Variants in WNK2 observed in about 807,000 individuals in gnomAD.
WNK2 encodes WNK lysine deficient protein kinase 2.
Under a neutral mutation model 192.1 loss-of-function variants are expected in WNK2, and 67 were observed. That is an observed-to-expected ratio of 0.35 (90% confidence interval 0.29 to 0.43). WNK2 has a LOEUF of 0.43. Among genes scored for constraint, WNK2 ranks in the 20% least tolerant of loss-of-function variants. The pLI is 1.00. For synonymous variants in WNK2, 1,439 were observed against 1,393.9 expected, an observed-to-expected ratio of 1.03 and a Z score of -0.72; for missense variants, 2,698 against 3,089.7, an observed-to-expected ratio of 0.87 and a Z score of 3.01.
At chr9:93,283,583 G>C (rs1848038034) in intron 19 of WNK2, among the ~76,000 whole-genome samples, 1 of 152,114 alleles carries the variant, frequency 6.6e-6, no homozygotes, top group Admixed American at 6.6e-5. Flanking sequence ...AATCTGAAAG[G>C]TGCTATAAAC....
At chr9:93,318,046 C>A (rs1288198395) in intron 29 of WNK2, 4 of 1,612,200 alleles carry the variant, frequency 2.5e-6, no homozygotes, top group Non-Finnish European at 3.4e-6. Flanking sequence ...GGTCCACGCG[C>A]CGTCTCCACA....
Position 93,317,586 on chromosome 9 carries a change from A to C in WNK2, c.6583A>C (p.Thr2195Pro), listed in dbSNP as rs1181155328. ...CCCAGCGCCCGGCCCTCTGTCCACCACGGTCATTCCCGGAGCCGCCCCGAC... is the reference window on the plus strand; with the variant it reads ...CCCAGCGCCCGGCCCTCTGTCCACCCCGGTCATTCCCGGAGCCGCCCCGAC... ...LPPAPGPLST[T>P]VIPGAAPTLS... is the part of the protein sequence containing the mutation. Residue 2195 changes from threonine to proline, a missense_variant, in exon 29 of 30, where the codon ACG (threonine) becomes CCG (proline). By Grantham distance (38) the Thr-to-Pro change is conservative. Transcript: ENST00000427277. 26 of 1,613,234 alleles carry C rather than the reference A, an allele frequency of 1.6e-5. No individual in the cohort carries two copies. Among genetic ancestry groups the C allele is most frequent in the Non-Finnish European group, 2.2e-5 (26 of 1,179,870 alleles).
intron 2 of WNK2, among the ~76,000 whole-genome samples, chr9:93,189,099 G>A (rs1476522319): frequency 6.6e-6 from 1 of 152,198 alleles, no homozygotes; most frequent in African/African-American, 2.4e-5. Context: ...ACCCAGGGAG[G>A]CAGCCTGTTT....
chr9:93,300,211 C>T, intron 26 of WNK2, 62 bp downstream of exon 26: 2 of 1,354,200 alleles, frequency 1.5e-6, no homozygotes, highest in Non-Finnish European at 1.1e-6. Context: ...CCCCCACCCC[C>T]TCCCTGTCTT....
In WNK2 at chr9:93,272,750, A is replaced by AAAAAAG. The variant is rs1372813476; in HGVS notation, c.4033+4009_4033+4010insGAAAAA. Reference sequence around the variant, plus strand: ...CGAAACTCCGTCTCAAAAAAAAAAAAAAAAAATTCAAATAACCCGGAAGAG... The same window carrying AAAAAAG: ...CGAAACTCCGTCTCAAAAAAAAAAAAAAAAAGAAAAAATTCAAATAACCCGGAAGAG... On this transcript the variant is annotated intron_variant, in intron 19 of 29. Coordinates refer to ENST00000427277, the MANE Select transcript of WNK2 (RefSeq NM_006648.4). Among the ~76,000 whole-genome samples the AAAAAAG allele has an allele frequency of 6.0e-5, 9 of 151,054 alleles. 1 individual carries two copies. Among genetic ancestry groups the AAAAAAG allele is most frequent in the Non-Finnish European group, 1.2e-4 (8 of 67,876 alleles).
chr9:93,192,785 C>A (rs1031445214), intron 2 of WNK2, among the ~76,000 whole-genome samples: 11 of 152,206 alleles, frequency 7.2e-5, no homozygotes, highest in Non-Finnish European at 1.5e-4. Context: ...CCCTTCTTCC[C>A]ACCCCTGGGC....
At chr9:93,303,395 C>T (rs759810258) in intron 26 of WNK2, among the ~76,000 whole-genome samples, 9 of 152,200 alleles carry the variant, frequency 5.9e-5, no homozygotes, top group East Asian at 1.9e-4. Flanking sequence ...TCTCTCTGCA[C>T]GCTGGTATCT....
At chr9:93,249,818 G>A (rs1842285124) in intron 8 of WNK2, among the ~76,000 whole-genome samples, 1 of 150,792 alleles carries the variant, frequency 6.6e-6, no homozygotes, top group Admixed American at 6.6e-5. Flanking sequence ...CTTTAAAGTA[G>A]GTAATATAGC....
intron 19 of WNK2, among the ~76,000 whole-genome samples, chr9:93,281,457 A>G (rs1188389551): frequency 6.6e-6 from 1 of 152,228 alleles, no homozygotes; most frequent in Non-Finnish European, 1.5e-5. Context: ...GTACACTGCC[A>G]GAGAGAGAAT....
intron 2 of WNK2, among the ~76,000 whole-genome samples, chr9:93,223,101 G>A (rs549594015): frequency 6.6e-6 from 1 of 152,242 alleles, no homozygotes; most frequent in Admixed American, 6.5e-5. Context: ...TAAAGGAAGT[G>A]AGTTTGTTTT....
In WNK2 at chr9:93,298,055, G is replaced by T. The variant is rs1564202458; in HGVS notation, c.5911G>T (p.Ala1971Ser). The change falls in exon 24 of 30, where the codon GCC becomes TCC. Residue 1971 changes from alanine to serine, a missense_variant. Transcript: ENST00000427277. ...CCTGGTGCGGCAGCTCAAGGTCGTG[G>T]CCTCCAGCACAGGTCGGCCTCCGGG... is the stretch of plus-strand genomic sequence containing the variant. ...NPLVRQLKVV[A>S]SSTGHLADSS... is the part of the protein sequence containing the mutation. 1.3e-6 allele frequency: 2 copies of T among 1,550,170 alleles called. No homozygotes were observed. The highest frequency in any genetic ancestry group is 2.4e-5 in the East Asian group (1 of 40,944).
chr9:93,295,721 C>T (rs1453314530), intron 23 of WNK2, among the ~76,000 whole-genome samples: 1 of 151,274 alleles, frequency 6.6e-6, no homozygotes, highest in Non-Finnish European at 1.5e-5. Flanking sequence ...CACCATCCTC[C>T]CCTCACCTTC....
chr9:93,265,398 A>G (rs1844996021), intron 16 of WNK2, among the ~76,000 whole-genome samples: 1 of 152,220 alleles, frequency 6.6e-6, no homozygotes, highest in Non-Finnish European at 1.5e-5. Flanking sequence ...ATATGGTCAG[A>G]TACAAAGGCT....
intron 4 of WNK2, among the ~76,000 whole-genome samples, chr9:93,232,874 T>G (rs7029773): frequency 0.16 from 24,120 of 147,028 alleles, 2,139 homozygotes; most frequent in East Asian, 0.27. Context: ...AGCTGCTCAG[T>G]CTCCTAGAGA....
intron 19 of WNK2, among the ~76,000 whole-genome samples, chr9:93,270,583 C>T (rs1194443956): frequency 2.6e-5 from 4 of 152,186 alleles, no homozygotes; most frequent in African/African-American, 9.7e-5. Flanking sequence ...CCTGGTCTGA[C>T]TGAAGTACAG....
chr9:93,318,639 A>T, intron 29 of WNK2: 1 of 1,571,144 alleles, frequency 6.4e-7, no homozygotes, highest in Non-Finnish European at 8.7e-7. Flanking sequence ...CCAGCTGGAG[A>T]GGCTGCCCTC....
chr9:93,255,965 CAT>C (rs1399781821), intron 9 of WNK2, among the ~76,000 whole-genome samples: 1 of 152,214 alleles, frequency 6.6e-6, no homozygotes, highest in Non-Finnish European at 1.5e-5. Context: ...TGGTCACAGT[CAT>C]ATGGACCGTG....
rs574344375 is a variant in WNK2 at position 93,219,940 on chromosome 9, G to A, written c.682-9756G>A. The stretch of plus-strand genomic sequence containing the variant: ...GCATCCAGGCCCCACCCTGCTTAGC[G>A]CCGGGCTCCTCCTGGCTGGGACATC... On this transcript the variant is annotated intron_variant, in intron 2 of 29. Coordinates refer to ENST00000427277, the MANE Select transcript of WNK2 (RefSeq NM_006648.4). 6.6e-5 allele frequency among the ~76,000 whole-genome samples: 10 copies of A among 152,342 alleles called. No homozygotes were observed. The South Asian group carries it at 1.0e-3, about 16-fold the overall frequency.
chr9:93,235,001 A>G (rs1449281731), intron 5 of WNK2, 36 bp downstream of exon 5: 4 of 1,612,260 alleles, frequency 2.5e-6, no homozygotes, highest in East Asian at 2.2e-5. Context: ...ATTAATAAGG[A>G]CACAGAGGCC....
Sources: allele counts gnomAD v4.1 joint callset (sites outside exome capture counted in the v4.1 genomes callset), GRCh38; gene constraint gnomAD v4.1.1; transcripts MANE v1.5; gene names NCBI Gene and HGNC (gene_info 2026-07-23, HGNC 2026-07-21).